SCN11A: variants seen among roughly 807,000 people sequenced by gnomAD.
SCN11A encodes sodium channel protein type 11 subunit alpha.
SCN11A carries 122 observed loss-of-function variants against 162.2 expected under a neutral mutation model. The ratio of observed to expected loss-of-function variants is 0.75; its 90% CI spans 0.65 to 0.87. SCN11A has a LOEUF of 0.87. SCN11A is among the 40% of genes least tolerant of loss of function. The pLI is 0.00. For missense variants in SCN11A, 2,015 were observed against 2,181.6 expected, an observed-to-expected ratio of 0.92 and a Z score of 1.52; for synonymous variants, 758 against 751.5, an observed-to-expected ratio of 1.01 and a Z score of -0.14.
intron 2 of SCN11A, among the ~76,000 whole-genome samples, chr3:39,024,559 G>T (rs1321246085): frequency 6.6e-6 from 1 of 152,180 alleles, no homozygotes; most frequent in Admixed American, 6.5e-5. Flanking sequence ...CCCAAGGCAG[G>T]TCACAGAAAC....
At chr3:38,950,392 G>A in intron 4 of SCN11A, 23 bp from the exon 5 acceptor site, 4 of 1,611,038 alleles carry the variant, frequency 2.5e-6, no homozygotes, top group Non-Finnish European at 3.4e-6. Context: ...ACAAGCCACA[G>A]ATCCTCAGAA....
chr3:38,939,181 C>A (rs71323688), intron 7 of SCN11A, among the ~76,000 whole-genome samples: 19,662 of 151,222 alleles, frequency 0.13, 1,362 homozygotes, highest in Middle Eastern at 0.17. Context: ...TCAAAAAATA[C>A]TAATAAAATA....
At chr3:38,902,291 A>C (rs756944683) in intron 16 of SCN11A, among the ~76,000 whole-genome samples, 7 of 152,204 alleles carry the variant, frequency 4.6e-5, no homozygotes, top group Non-Finnish European at 8.8e-5. Flanking sequence ...ATCTGTTACA[A>C]GCAACTATGT....
chr3:38,870,503 T>C (rs2065107931), intron 26 of SCN11A, among the ~76,000 whole-genome samples, 188 bp downstream of exon 26: 1 of 152,208 alleles, frequency 6.6e-6, no homozygotes. Context: ...GGGTATCAGA[T>C]ACTCACTAGA....
chr3:38,989,612 T>C (rs1420410007), intron 2 of SCN11A, among the ~76,000 whole-genome samples: 1 of 152,220 alleles, frequency 6.6e-6, no homozygotes, highest in Admixed American at 6.5e-5. Flanking sequence ...CTCATCCACA[T>C]GCCTCAGTCC....
At chr3:38,874,332 T>TC (rs1337871229) in intron 23 of SCN11A, among the ~76,000 whole-genome samples, 1 of 152,164 alleles carries the variant, frequency 6.6e-6, no homozygotes, top group Non-Finnish European at 1.5e-5. Flanking sequence ...GCACAGTCGC[T>TC]CAAGCCTGTA....
Position 38,985,332 on chromosome 3 carries a change from G to A in SCN11A, c.-279-24909C>T, listed in dbSNP as rs550542111. On this transcript the variant is annotated intron_variant, in intron 2 of 29. Coordinates refer to ENST00000302328, the MANE Select transcript of SCN11A (RefSeq NM_001349253.2). ...TTTTTAGTAGAGACGGGGTTTCACC[G>A]TGTTAGCCAGGATGGTCTCGATCTC... Among the ~76,000 whole-genome samples the A allele has an allele frequency of 4.2e-4, 63 of 150,216 alleles. 8 individuals carry two copies. Among genetic ancestry groups the A allele is most frequent in the African/African-American group, 1.5e-3 (58 of 39,882 alleles).
chr3:38,945,807 C>T (rs1277876709), intron 6 of SCN11A, among the ~76,000 whole-genome samples: 3 of 152,174 alleles, frequency 2.0e-5, no homozygotes, highest in East Asian at 1.9e-4. Context: ...CAGAGTTCTT[C>T]GTGGGATCAG....
rs550900723 is a variant in SCN11A at position 38,999,275 on chromosome 3, C to T, written c.-280+33105G>A. On this transcript the variant is annotated intron_variant, in intron 2 of 29. Coordinates refer to ENST00000302328, the MANE Select transcript of SCN11A (RefSeq NM_001349253.2). Reference sequence around the variant, plus strand: ...TTTTGATTATCATTGCAACTATAGACGAATTCTTAGGACAGGAAGTTGAAT... The same window carrying T: ...TTTTGATTATCATTGCAACTATAGATGAATTCTTAGGACAGGAAGTTGAAT... 1.4e-4 allele frequency among the ~76,000 whole-genome samples: 21 copies of T among 152,192 alleles called. No homozygotes were observed. The South Asian group carries it at 2.1e-3, about 15-fold the overall frequency.
rs185694617 is a variant in SCN11A at position 38,921,990 on chromosome 3, G to T, written c.713-735C>A. The stretch of plus-strand genomic sequence containing the variant: ...GTTTCCTTGTTTTCTGAATTCTGTG[G>T]TATAGATCCTGATCCCCACTCACCA... On this transcript the variant is annotated intron_variant, in intron 9 of 29. Transcript: ENST00000302328. Among the ~76,000 whole-genome samples, 616 of 152,274 alleles carry T rather than the reference G, an allele frequency of 4.0e-3. 3 individuals carry two copies. Among genetic ancestry groups the T allele is most frequent in the Middle Eastern group, 0.01 (3 of 294 alleles).
rs920223206 is a variant in SCN11A, at chr3:38,972,788, GA to G, written c.-279-12366del. 9.1e-3 allele frequency among the ~76,000 whole-genome samples: 1,341 copies of G among 147,806 alleles called. 15 individuals carry two copies. The highest frequency in any genetic ancestry group is 0.03 in the African/African-American group (1,232 of 40,438). On this transcript the variant is annotated intron_variant, in intron 2 of 29. Transcript: ENST00000302328. ...GATTGAATTTATTATGGGCTGCATA[GA>G]AAAAAAAAAGTCGTTCTAACACTTA...
intron 1 of SCN11A, among the ~76,000 whole-genome samples, chr3:39,049,748 T>C (rs1307822957): frequency 6.6e-6 from 1 of 152,230 alleles, no homozygotes; most frequent in African/African-American, 2.4e-5. Context: ...ATTCTTAAGA[T>C]TTATTCTGAG....
intron 19 of SCN11A, among the ~76,000 whole-genome samples, chr3:38,889,396 G>A (rs1213355340): frequency 6.6e-6 from 1 of 152,002 alleles, no homozygotes; most frequent in African/African-American, 2.4e-5. Context: ...TTGCACTCCA[G>A]CCTGGGTGGC....
intron 28 of SCN11A, 130 bp from the exon 29 acceptor site, chr3:38,850,881 C>T: frequency 1.4e-6 from 1 of 694,810 alleles, no homozygotes; most frequent in Non-Finnish European, 2.2e-6. Context: ...ATACACAGAC[C>T]CTTTTCAAAG....
At chr3:38,992,327 A>T (rs1033217934) in intron 2 of SCN11A, among the ~76,000 whole-genome samples, 11 of 152,236 alleles carry the variant, frequency 7.2e-5, no homozygotes, top group Non-Finnish European at 1.3e-4. Context: ...TGGCCACATC[A>T]TCTGTGCAGC....
chr3:38,866,249 C>T (rs1390100330), intron 27 of SCN11A, among the ~76,000 whole-genome samples: 4 of 150,392 alleles, frequency 2.7e-5, no homozygotes, highest in Middle Eastern at 3.4e-3. Context: ...GATGGAGTCT[C>T]GCTCTGTTGC....
At chr3:38,871,815 C>G in intron 24 of SCN11A, 107 bp from the exon 25 acceptor site, 1 of 931,902 alleles carries the variant, frequency 1.1e-6, no homozygotes, top group Non-Finnish European at 1.6e-6. Flanking sequence ...TCTTGGAGCT[C>G]TGTCCTTAAT....
At chr3:38,998,582 A>T (rs933119947) in intron 2 of SCN11A, among the ~76,000 whole-genome samples, 3 of 152,228 alleles carry the variant, frequency 2.0e-5, no homozygotes, top group Admixed American at 6.5e-5. Flanking sequence ...ATTATAAATC[A>T]TACTGCTATA....
chr3:38,955,416 T>C (rs184747895), intron 3 of SCN11A, among the ~76,000 whole-genome samples: 5 of 152,326 alleles, frequency 3.3e-5, no homozygotes, highest in Non-Finnish European at 7.4e-5. Flanking sequence ...ATTTCCTTAT[T>C]AACTGAAAAA....
Sources: allele counts gnomAD v4.1 joint callset (sites outside exome capture counted in the v4.1 genomes callset), GRCh38; gene constraint gnomAD v4.1.1; transcripts MANE v1.5; gene names NCBI Gene and HGNC (gene_info 2026-07-23, HGNC 2026-07-21).